Variants in FRMD5 observed in about 807,000 individuals in gnomAD.
FRMD5 encodes FERM domain containing 5.
FRMD5 carries 20 observed loss-of-function variants against 69.0 expected under a neutral mutation model. The ratio of observed to expected loss-of-function variants is 0.29; its 90% CI spans 0.20 to 0.42. FRMD5 has a LOEUF of 0.42. Ranked by LOEUF, FRMD5 falls within the 10% of genes least tolerant of loss-of-function variation. FRMD5 has a pLI of 1.00. For missense variants in FRMD5, 595 were observed against 708.6 expected (o/e 0.84, Z 1.82); for synonymous variants, 271 against 260.1 (o/e 1.04, Z -0.40).
At position 43,872,628 on chromosome 15, in the gene FRMD5, T is replaced by C. The variant is rs968448744; in HGVS notation, c.*1257A>G. ...CAGAGGATGACCCTAGGGGGCAGCA[T>C]TTCTACATCTAAGTGTTGGTCTCTG... On this transcript the variant is annotated 3_prime_UTR_variant, in exon 14 of 14. Coordinates refer to ENST00000417257, the MANE Select transcript of FRMD5 (RefSeq NM_032892.5). 5 of 153,386 alleles carry C rather than the reference T, an allele frequency of 3.3e-5. No homozygotes were observed. The highest frequency in any genetic ancestry group is 9.6e-5 in the African/African-American group (4 of 41,460). The allele number at this position is 153,386 out of a possible 1,614,324, so 9.5% of individuals were successfully genotyped here.
chr15:43,927,172 T>G (rs1190003282), intron 1 of FRMD5, among the ~76,000 whole-genome samples: 1 of 152,202 alleles, frequency 6.6e-6, no homozygotes, highest in East Asian at 1.9e-4. Context: ...GTTCTTTTAC[T>G]ATTTTCTGAC....
intron 7 of FRMD5, among the ~76,000 whole-genome samples, chr15:43,900,654 G>A (rs1043316497): frequency 1.4e-5 from 2 of 140,226 alleles, no homozygotes; most frequent in African/African-American, 5.6e-5. Context: ...GTCTCGCTCT[G>A]TCACCCAGGC....
intron 1 of FRMD5, among the ~76,000 whole-genome samples, chr15:44,186,192 G>A (rs1374359104): frequency 2.6e-5 from 4 of 152,174 alleles, no homozygotes; most frequent in Admixed American, 2.0e-4. Context: ...CTCCCAAAGT[G>A]CTGGGATTAC....
Position 43,908,327 on chromosome 15 carries a change from C to CA in FRMD5, c.427+1554dup, listed in dbSNP as rs58337379. ...TAGGGGACAGAGCCAGATCCTGTCT[C>CA]AAAAAAAAAAAAAAAAAAAAAATTC... On this transcript the variant is annotated intron_variant, in intron 5 of 13. Coordinates refer to ENST00000417257, the MANE Select transcript of FRMD5 (RefSeq NM_032892.5). Among the ~76,000 whole-genome samples the CA allele has an allele frequency of 2.9e-3, 313 of 107,884 alleles. 3 individuals carry two copies. The highest frequency in any genetic ancestry group is 9.2e-3 in the African/African-American group (254 of 27,664). The allele number at this position is 107,884 out of a possible 152,430, so 70.8% of individuals were successfully genotyped here. A position where few individuals can be genotyped will look rare whatever the true frequency, so the allele number is the denominator to read the frequency against.
intron 1 of FRMD5, among the ~76,000 whole-genome samples, chr15:43,998,625 A>C (rs1326303145): frequency 6.6e-6 from 1 of 152,206 alleles, no homozygotes; most frequent in Non-Finnish European, 1.5e-5. Flanking sequence ...ACTGCCATTC[A>C]AACTGGCAGA....
chr15:44,080,153 C>T (rs1371728514), intron 1 of FRMD5, among the ~76,000 whole-genome samples: 1 of 151,966 alleles, frequency 6.6e-6, no homozygotes, highest in African/African-American at 2.4e-5. Context: ...GTGACTGAGG[C>T]TATAAAGGAA....
chr15:44,045,054 C>T (rs961065065), intron 1 of FRMD5, among the ~76,000 whole-genome samples: 2 of 152,206 alleles, frequency 1.3e-5, no homozygotes, highest in Non-Finnish European at 2.9e-5. Context: ...ATAACTCACA[C>T]TATAATTCAG....
intron 1 of FRMD5, among the ~76,000 whole-genome samples, chr15:44,127,589 C>G (rs1330047867): frequency 6.6e-6 from 1 of 152,026 alleles, no homozygotes; most frequent in African/African-American, 2.4e-5. Flanking sequence ...TAAAAATAAC[C>G]AGGCCGGGTG....
At chr15:44,141,741 G>C (rs1002002992) in intron 1 of FRMD5, among the ~76,000 whole-genome samples, 1 of 152,200 alleles carries the variant, frequency 6.6e-6, no homozygotes, top group Non-Finnish European at 1.5e-5. Flanking sequence ...CAGAGTTAGA[G>C]TGTGAGCATC....
intron 1 of FRMD5, among the ~76,000 whole-genome samples, chr15:44,097,893 G>T (rs1416672839): frequency 1.3e-5 from 2 of 152,046 alleles, no homozygotes; most frequent in African/African-American, 4.8e-5. Context: ...ATGCAATCAT[G>T]GCAAACTCAG....
chr15:44,169,313 A>G (rs1194229173), intron 1 of FRMD5, among the ~76,000 whole-genome samples: 1 of 152,078 alleles, frequency 6.6e-6, no homozygotes, highest in Non-Finnish European at 1.5e-5. Context: ...ATTCTCCGCC[A>G]TTCCTCCAGA....
At chr15:44,057,292 G>T (rs924100451) in intron 1 of FRMD5, among the ~76,000 whole-genome samples, 3 of 151,554 alleles carry the variant, frequency 2.0e-5, no homozygotes, top group African/African-American at 7.3e-5. Context: ...TTTTAGTAGA[G>T]ACGGGGTTTC....
intron 1 of FRMD5, among the ~76,000 whole-genome samples, chr15:44,061,631 A>G (rs1893091230): frequency 6.6e-6 from 1 of 152,188 alleles, no homozygotes; most frequent in African/African-American, 2.4e-5. Flanking sequence ...GGAAGTCCAT[A>G]AAGTTTGACA....
chr15:44,020,481 G>A (rs1401549496), intron 1 of FRMD5, among the ~76,000 whole-genome samples: 2 of 152,210 alleles, frequency 1.3e-5, no homozygotes, highest in Admixed American at 6.5e-5. Context: ...TTACTCAGTA[G>A]TGTGTTTGTA....
chr15:43,908,934 A>T (rs2089232704), intron 5 of FRMD5, among the ~76,000 whole-genome samples: 1 of 152,166 alleles, frequency 6.6e-6, no homozygotes, highest in South Asian at 2.1e-4. Context: ...ATGGGGAAAA[A>T]ATCAAGTCTG....
At chr15:44,122,890 C>A (rs371146515) in intron 1 of FRMD5, among the ~76,000 whole-genome samples, 1 of 151,182 alleles carries the variant, frequency 6.6e-6, no homozygotes, top group Non-Finnish European at 1.5e-5. Flanking sequence ...GACTCTGTAT[C>A]AAAAAAAATT....
intron 1 of FRMD5, among the ~76,000 whole-genome samples, chr15:44,137,061 A>T (rs1470165972): frequency 2.0e-5 from 3 of 152,256 alleles, no homozygotes; most frequent in Non-Finnish European, 4.4e-5. Context: ...TAACACTTAG[A>T]TGCTAATAAA....
rs369822306 is a variant in FRMD5, at chr15:44,124,245, G to A, written c.102+70708C>T. Among the ~76,000 whole-genome samples the A allele has an allele frequency of 1.9e-4, 29 of 151,668 alleles. No homozygotes were observed. In the East Asian group the frequency reaches 5.1e-3, roughly 27 times the overall value. ...TGACCTCAGGTGATCTGCCCGCCTCGGCCTCCCAAAGTGCTGGGATTACAG... is the reference window on the plus strand; with the variant it reads ...TGACCTCAGGTGATCTGCCCGCCTCAGCCTCCCAAAGTGCTGGGATTACAG... On this transcript the variant is annotated intron_variant, in intron 1 of 13. Transcript: ENST00000417257.
intron 1 of FRMD5, among the ~76,000 whole-genome samples, chr15:44,094,765 G>A (rs1427823062): frequency 2.6e-5 from 4 of 152,054 alleles, no homozygotes; most frequent in Non-Finnish European, 5.9e-5. Context: ...TATTCTGAAA[G>A]ACACTTTGGG....
Sources: allele counts gnomAD v4.1 joint callset (sites outside exome capture counted in the v4.1 genomes callset), GRCh38; gene constraint gnomAD v4.1.1; transcripts MANE v1.5; gene names NCBI Gene and HGNC (gene_info 2026-07-23, HGNC 2026-07-21).